The following AIG1 variants were observed in gnomAD, a reference collection of about 807,000 sequenced individuals.
AIG1 encodes the protein androgen-induced gene 1 protein.
A neutral mutation model predicts 31.4 loss-of-function variants in AIG1; 23 were observed. The ratio of observed to expected loss-of-function variants is 0.73; its 90% CI spans 0.53 to 1.04. The LOEUF (loss-of-function observed/expected upper bound fraction) is 1.04. Ranked by LOEUF, AIG1 falls within the 50% of genes least tolerant of loss-of-function variation. The pLI is 0.00. For missense variants in AIG1, 274 were observed against 295.0 expected (o/e 0.93, Z 0.52); for synonymous variants, 100 against 110.5 (o/e 0.90, Z 0.60).
At chr6:143,321,319 G>A (rs1776192272) in intron 4 of AIG1, among the ~76,000 whole-genome samples, 1 of 151,558 alleles carries the variant, frequency 6.6e-6, no homozygotes, top group Non-Finnish European at 1.5e-5. Flanking sequence ...AATGAATTAG[G>A]CCAGGCAAAG....
intron 4 of AIG1, among the ~76,000 whole-genome samples, chr6:143,332,585 T>C (rs1863137): frequency 0.67 from 102,674 of 152,134 alleles, 35,673 homozygotes; most frequent in East Asian, 1. Flanking sequence ...CATGGTTGTG[T>C]CAGCATATGG....
chr6:143,151,258 T>C (rs1028964629), intron 2 of AIG1, among the ~76,000 whole-genome samples: 2 of 152,172 alleles, frequency 1.3e-5, no homozygotes, highest in African/African-American at 4.8e-5. Flanking sequence ...CAACTACTCA[T>C]GTTTGGGAAA....
At chr6:143,071,880 C>T (rs1777313520) in intron 1 of AIG1, among the ~76,000 whole-genome samples, 1 of 151,716 alleles carries the variant, frequency 6.6e-6, no homozygotes, top group Non-Finnish European at 1.5e-5. Context: ...AACTTCTGGG[C>T]TCAGTTGATC....
At chr6:143,155,424 C>T (rs573994667) in intron 2 of AIG1, among the ~76,000 whole-genome samples, 12 of 152,048 alleles carry the variant, frequency 7.9e-5, no homozygotes, top group East Asian at 1.9e-4. Flanking sequence ...TTTCTATGGT[C>T]GGGTGAGCTG....
At chr6:143,287,480 T>A (rs1001354585) in intron 4 of AIG1, among the ~76,000 whole-genome samples, 7 of 152,142 alleles carry the variant, frequency 4.6e-5, no homozygotes, top group African/African-American at 1.7e-4. Context: ...CAGATTGTAG[T>A]CTGTTAACCG....
Position 143,266,295 on chromosome 6 carries a change from C to G in AIG1, c.400-17815C>G, listed in dbSNP as rs181565972. ...CCAGGAGGCAGAGGTTGCAGTGAGT[C>G]GAGATCGTGCCATTGCACTCTGGCC... On this transcript the variant is annotated intron_variant, in intron 3 of 5. Coordinates refer to ENST00000357847, the MANE Select transcript of AIG1 (RefSeq NM_016108.4). Among the ~76,000 whole-genome samples the G allele has an allele frequency of 7.3e-5, 10 of 136,062 alleles. No individual in the cohort carries two copies. In the East Asian group the frequency reaches 2.0e-3, roughly 27 times the overall value. 89.3% of individuals were successfully genotyped at this position (136,062 alleles called of 152,430 possible).
At chr6:143,310,725 G>A in intron 4 of AIG1, among the ~76,000 whole-genome samples, 1 of 150,840 alleles carries the variant, frequency 6.6e-6, no homozygotes. Context: ...AAAAAAGAAA[G>A]AATATACAAA....
At chr6:143,158,155 G>A (rs1374064133) in intron 2 of AIG1, among the ~76,000 whole-genome samples, 1 of 152,064 alleles carries the variant, frequency 6.6e-6, no homozygotes, top group East Asian at 1.9e-4. Flanking sequence ...CATCAGCTGA[G>A]CATGAGCCAT....
At chr6:143,185,533 C>T (rs565705973) in intron 3 of AIG1, among the ~76,000 whole-genome samples, 54 of 152,330 alleles carry the variant, frequency 3.5e-4, no homozygotes, top group Admixed American at 3.3e-4. Context: ...ATCACCTCTC[C>T]AATGACATCA....
chr6:143,320,465 A>T (rs1391872489), intron 4 of AIG1, among the ~76,000 whole-genome samples: 1 of 152,238 alleles, frequency 6.6e-6, no homozygotes, highest in Non-Finnish European at 1.5e-5. Flanking sequence ...TAAATGTCCA[A>T]TGAGAGATGA....
intron 3 of AIG1, among the ~76,000 whole-genome samples, chr6:143,193,776 C>T (rs1486337264): frequency 6.6e-6 from 1 of 152,130 alleles, no homozygotes; most frequent in South Asian, 2.1e-4. Context: ...CGTCACATTC[C>T]TCCCTCTTGC....
At chr6:143,162,756 C>A (rs894614999) in intron 2 of AIG1, among the ~76,000 whole-genome samples, 2 of 152,184 alleles carry the variant, frequency 1.3e-5, no homozygotes, top group Admixed American at 6.5e-5. Context: ...CAGGTTAAGG[C>A]AAACACACAT....
chr6:143,195,159 G>A (rs934544071), intron 3 of AIG1, among the ~76,000 whole-genome samples: 4 of 152,156 alleles, frequency 2.6e-5, no homozygotes, highest in South Asian at 2.1e-4. Context: ...AAAGGCTGAC[G>A]GTGGGAGTTT....
intron 1 of AIG1, among the ~76,000 whole-genome samples, chr6:143,071,023 T>C (rs1777201384): frequency 6.6e-6 from 1 of 152,248 alleles, no homozygotes; most frequent in Non-Finnish European, 1.5e-5. Context: ...ATTAAAACAG[T>C]AAAGTTATAG....
intron 3 of AIG1, among the ~76,000 whole-genome samples, chr6:143,192,239 A>C (rs1159751221): frequency 6.6e-6 from 1 of 152,228 alleles, no homozygotes; most frequent in Non-Finnish European, 1.5e-5. Context: ...GCCGCCATGC[A>C]TGTGCTTCAA....
intron 3 of AIG1, among the ~76,000 whole-genome samples, chr6:143,202,455 G>T (rs1203930443): frequency 6.6e-6 from 1 of 152,092 alleles, no homozygotes; most frequent in Non-Finnish European, 1.5e-5. Flanking sequence ...GGTTTGGTTT[G>T]AATTATAAGA....
chr6:143,070,851 G>A (rs201142812), intron 1 of AIG1, among the ~76,000 whole-genome samples: 1 of 152,192 alleles, frequency 6.6e-6, no homozygotes, highest in Non-Finnish European at 1.5e-5. Context: ...AACATTCAAC[G>A]GCAGTGACCC....
chr6:143,102,142 A>G (rs1373427458), intron 1 of AIG1, among the ~76,000 whole-genome samples: 1 of 152,118 alleles, frequency 6.6e-6, no homozygotes, highest in Non-Finnish European at 1.5e-5. Context: ...TAAATATTTT[A>G]TAGCTTGCTT....
chr6:143,206,846 G>A (rs1422223890), intron 3 of AIG1, among the ~76,000 whole-genome samples: 2 of 152,094 alleles, frequency 1.3e-5, no homozygotes, highest in Non-Finnish European at 2.9e-5. Flanking sequence ...GGCTGATGGA[G>A]GCCAACTTAA....
Sources: gnomAD v4.1 joint callset for allele counts (sites outside exome capture counted in the v4.1 genomes callset) on GRCh38, gnomAD v4.1.1 for gene constraint, MANE v1.5 for transcripts, NCBI Gene and HGNC (gene_info 2026-07-23, HGNC 2026-07-21) for gene names.